The following VPS53 variants were observed in gnomAD, a reference collection of about 807,000 sequenced individuals.
The protein encoded by VPS53 is vacuolar protein sorting-associated protein 53 homolog.
A neutral mutation model predicts 107.0 loss-of-function variants in VPS53; 70 were observed. The observed-to-expected ratio is 0.65, with a 90% CI of 0.54 to 0.80. The LOEUF (loss-of-function observed/expected upper bound fraction) is 0.80, where lower values mean the gene tolerates loss of function less well. VPS53 is among the 30% of genes least tolerant of loss of function. The probability of loss-of-function intolerance (pLI) is 0.00; values close to 1 mark genes in which losing one functional copy is unlikely to be tolerated. For synonymous variants in VPS53, 409 were observed against 393.3 expected, an observed-to-expected ratio of 1.04 and a Z score of -0.47; for missense variants, 917 against 1,049.4, an observed-to-expected ratio of 0.87 and a Z score of 1.74.
At chr17:573,521 A>C (rs1229510495) in intron 13 of VPS53, among the ~76,000 whole-genome samples, 1 of 152,244 alleles carries the variant, frequency 6.6e-6, no homozygotes, top group East Asian at 1.9e-4. Context: ...GCTCAAGAGA[A>C]ATCTGGCCAC....
In VPS53 at chr17:601,877, G is replaced by A; in HGVS notation, c.1136C>T (p.Pro379Leu). 2.5e-6 allele frequency: 4 copies of A among 1,588,938 alleles called. No individual in the cohort carries two copies. Among genetic ancestry groups the A allele is most frequent in the Non-Finnish European group, 2.6e-6 (3 of 1,167,056 alleles). Residue 379 changes from proline (P) to leucine (L), a missense_variant, in exon 12 of 22, where the codon CCC (proline) becomes CTC (leucine). Physicochemically the swap from Pro to Leu is moderately conservative, Grantham distance 98 (BLOSUM62 -3). Coordinates refer to ENST00000437048, the MANE Select transcript of VPS53 (RefSeq NM_001128159.3). ...DGTLKKLESP[P>L]PSTNPFLEDE... ...TTCCAGGAAGGGATTGGTAGATGGG[G>A]GTGGAGACTCAAGCTTTTTCTGTTA...
chr17:649,933 T>C (rs996669105), intron 7 of VPS53, among the ~76,000 whole-genome samples: 1 of 152,160 alleles, frequency 6.6e-6, no homozygotes, highest in Non-Finnish European at 1.5e-5. Flanking sequence ...CTGGGCCAAA[T>C]AGCACAATGG....
At chr17:634,069 C>T (rs905441286) in intron 7 of VPS53, among the ~76,000 whole-genome samples, 2 of 152,224 alleles carry the variant, frequency 1.3e-5, no homozygotes, top group Non-Finnish European at 2.9e-5. Context: ...GCCAGGGCAC[C>T]CACAGTCACA....
chr17:670,989 C>T (rs966750880), intron 4 of VPS53, among the ~76,000 whole-genome samples: 3 of 151,956 alleles, frequency 2.0e-5, no homozygotes, highest in Non-Finnish European at 2.9e-5. Context: ...CCAGCACTTT[C>T]GGAGGCCGAG....
intron 12 of VPS53, among the ~76,000 whole-genome samples, chr17:592,545 T>A (rs1389343823): frequency 6.6e-6 from 1 of 152,170 alleles, no homozygotes; most frequent in East Asian, 1.9e-4. Context: ...TTCCTTTCCA[T>A]GTTTAGCGCT....
chr17:662,071 G>C (rs962125425), intron 4 of VPS53, among the ~76,000 whole-genome samples, 176 bp from the exon 5 acceptor site: 1 of 152,078 alleles, frequency 6.6e-6, no homozygotes, highest in Non-Finnish European at 1.5e-5. Flanking sequence ...CAGTGGCTGC[G>C]AACAGGTAAA....
At chr17:642,230 G>C (rs1970449425) in intron 7 of VPS53, among the ~76,000 whole-genome samples, 1 of 152,188 alleles carries the variant, frequency 6.6e-6, no homozygotes, top group South Asian at 2.1e-4. Flanking sequence ...AAGAATCTCA[G>C]CCTAGAATCT....
Position 577,570 on chromosome 17 carries a change from A to G in VPS53, c.1313+8700T>C, listed in dbSNP as rs116332839. On this transcript the variant is annotated intron_variant, in intron 13 of 21. Transcript: ENST00000437048. Reference sequence around the variant, plus strand: ...CTCAGAATCTAATACGTTCGCAGAGAAACTCCCTCAGAACCTAATGCATTC... The same window carrying G: ...CTCAGAATCTAATACGTTCGCAGAGGAACTCCCTCAGAACCTAATGCATTC... Among the ~76,000 whole-genome samples, 142 of 151,304 alleles carry G rather than the reference A, an allele frequency of 9.4e-4. 2 individuals carry two copies. Among genetic ancestry groups the G allele is most frequent in the African/African-American group, 3.4e-3 (139 of 41,144 alleles).
chr17:628,280 A>G, intron 8 of VPS53, 49 bp from the exon 9 acceptor site: 1 of 1,599,944 alleles, frequency 6.3e-7, no homozygotes, highest in Non-Finnish European at 8.5e-7. Flanking sequence ...CAACCTTTAA[A>G]CCTCATGGCT....
At chr17:670,336 A>T (rs192166238) in intron 4 of VPS53, among the ~76,000 whole-genome samples, 14 of 152,342 alleles carry the variant, frequency 9.2e-5, no homozygotes, top group African/African-American at 2.6e-4. Flanking sequence ...GATGAAAAGC[A>T]ACCCACTGAA....
chr17:651,886 A>G (rs915966995), intron 7 of VPS53, among the ~76,000 whole-genome samples: 6 of 152,132 alleles, frequency 3.9e-5, no homozygotes, highest in African/African-American at 1.4e-4. Context: ...CTGAGAAATT[A>G]CTTTCCTTTC....
chr17:582,427 C>G (rs863334), intron 13 of VPS53, among the ~76,000 whole-genome samples: 132,129 of 145,300 alleles, frequency 0.91, 60,545 homozygotes, highest in Admixed American at 0.94. Context: ...TGCGTTCCCA[C>G]AGAACTTCCC....
Position 606,604 on chromosome 17 carries a change from C to T in VPS53, c.1117-4708G>A, listed in dbSNP as rs577075833. ...TCCACTAGATTATAATGGAGCCATA[C>T]AATAGAGTAGGCCAGGGGTCCCCAA... is the stretch of plus-strand genomic sequence containing the variant. On this transcript the variant is annotated intron_variant, in intron 11 of 21. Coordinates refer to ENST00000437048, the MANE Select transcript of VPS53 (RefSeq NM_001128159.3). Among the ~76,000 whole-genome samples, 10 of 152,182 alleles carry T rather than the reference C, an allele frequency of 6.6e-5. No individual in the cohort carries two copies. In the East Asian group the frequency reaches 1.4e-3, roughly 21 times the overall value.
intron 8 of VPS53, among the ~76,000 whole-genome samples, chr17:629,802 A>C (rs1211384542): frequency 9.9e-6 from 1 of 101,202 alleles, no homozygotes; most frequent in Admixed American, 1.2e-4. Context: ...ACAAAACAAA[A>C]AAAAAACCAC....
chr17:711,464 G>A (rs921168206), intron 1 of VPS53, among the ~76,000 whole-genome samples: 21 of 152,342 alleles, frequency 1.4e-4, no homozygotes, highest in African/African-American at 4.8e-4. Flanking sequence ...GGAGGTGGAT[G>A]AGAAGAAAGT....
chr17:703,069 C>T (rs1353148834), intron 2 of VPS53, among the ~76,000 whole-genome samples: 1 of 152,114 alleles, frequency 6.6e-6, no homozygotes, highest in Admixed American at 6.5e-5. Context: ...ACTACCTGGG[C>T]TTGCTGGTGC....
intron 7 of VPS53, among the ~76,000 whole-genome samples, chr17:646,532 G>A (rs1251850320): frequency 9.0e-4 from 107 of 119,098 alleles, no homozygotes; most frequent in East Asian, 2.5e-3. Flanking sequence ...CTGGAGACTG[G>A]CTCCCACACA....
intron 11 of VPS53, among the ~76,000 whole-genome samples, chr17:618,567 T>C (rs1408581693): frequency 2.8e-5 from 4 of 142,494 alleles, no homozygotes; most frequent in East Asian, 2.1e-4. Context: ...GGCCCCGCTA[T>C]TATTTCCCAG....
intron 17 of VPS53, among the ~76,000 whole-genome samples, chr17:546,870 C>CTT (rs60940748): frequency 4.4e-4 from 37 of 83,298 alleles, no homozygotes; most frequent in Non-Finnish European, 6.4e-4. Flanking sequence ...CCCTTAGATC[C>CTT]TTTTTTTTTT....
Sources: allele counts gnomAD v4.1 joint callset (sites outside exome capture counted in the v4.1 genomes callset), GRCh38; gene constraint gnomAD v4.1.1; transcripts MANE v1.5; gene names NCBI Gene and HGNC (gene_info 2026-07-23, HGNC 2026-07-21).